The following KIDINS220 variants were observed in gnomAD, a reference collection of about 807,000 sequenced individuals.
KIDINS220 encodes the protein kinase D-interacting substrate of 220 kDa.
Under a neutral mutation model 157.6 loss-of-function variants are expected in KIDINS220, and 63 were observed. The observed-to-expected ratio is 0.40, with a 90% CI of 0.33 to 0.49. The LOEUF is 0.49. Ranked by LOEUF, KIDINS220 falls within the 20% of genes least tolerant of loss-of-function variation. KIDINS220 has a pLI of 0.66. For synonymous variants in KIDINS220, 732 were observed against 783.6 expected (o/e 0.93, Z 1.10); for missense variants, 1,772 against 2,171.2 (o/e 0.82, Z 3.65).
intron 6 of KIDINS220, among the ~76,000 whole-genome samples, chr2:8,807,815 GA>G (rs1277546482): frequency 6.6e-6 from 1 of 152,110 alleles, no homozygotes; most frequent in Non-Finnish European, 1.5e-5. Context: ...GCAGGCTTAG[GA>G]AGAACGAATA....
In KIDINS220 at chr2:8,748,925, A is replaced by G. The variant is rs148444049; in HGVS notation, c.3415-925T>C. On this transcript the variant is annotated intron_variant, in intron 24 of 29. Coordinates refer to ENST00000256707, the MANE Select transcript of KIDINS220 (RefSeq NM_020738.4). ...GGTAAGGTAATCTTTCATTTTTTAA[A>G]ATAAGCTTCTCAGTTTCAAATTTTC... is the stretch of plus-strand genomic sequence containing the variant. 1.5e-3 allele frequency among the ~76,000 whole-genome samples: 236 copies of G among 152,320 alleles called. 1 individual carries two copies. In the East Asian group the frequency reaches 0.024, roughly 16 times the overall value.
Position 8,747,897 on chromosome 2 carries a change from T to G in KIDINS220, c.3518A>C (p.Asn1173Thr). 1 of 1,597,342 alleles carries G rather than the reference T, an allele frequency of 6.3e-7. No individual in the cohort carries two copies. ...CTTTTATATACTTACTAGGCCATTG[T>G]TCTGATCTCTGGGCAAACTCGTTTT... is the stretch of plus-strand genomic sequence containing the variant. Reference protein sequence around the residue: ...SVKTSLPRDQNNGLEVIKEDA... With the variant: ...SVKTSLPRDQTNGLEVIKEDA... The change falls in exon 25 of 30, where the codon AAC becomes ACC. Residue 1173 changes from asparagine to threonine, a missense_variant. Asn to Thr is a moderately conservative substitution (Grantham distance 65). Transcript: ENST00000256707.
At chr2:8,795,121 GATC>G (rs1673725553) in intron 11 of KIDINS220, among the ~76,000 whole-genome samples, 1 of 152,084 alleles carries the variant, frequency 6.6e-6, no homozygotes, top group African/African-American at 2.4e-5. Flanking sequence ...TCTTCACACC[GATC>G]ATCTTAGTCG....
At chr2:8,758,143 G>A (rs781045253) in intron 22 of KIDINS220, among the ~76,000 whole-genome samples, 12 of 152,192 alleles carry the variant, frequency 7.9e-5, no homozygotes, top group African/African-American at 2.9e-4. Flanking sequence ...GATTACAGGC[G>A]TGAGCCACTG....
At chr2:8,778,818 A>G (rs1671314056) in intron 19 of KIDINS220, 78 bp downstream of exon 19, 2 of 1,594,900 alleles carry the variant, frequency 1.3e-6, no homozygotes, top group South Asian at 2.2e-5. Flanking sequence ...AATATTTTTC[A>G]AGGTAAAAAG....
At chr2:8,802,757 G>A in intron 8 of KIDINS220, among the ~76,000 whole-genome samples, 173 bp downstream of exon 8, 1 of 152,148 alleles carries the variant, frequency 6.6e-6, no homozygotes, top group Non-Finnish European at 1.5e-5. Context: ...AATTAAAAAG[G>A]ACATTTTTCA....
chr2:8,802,841 T>C (rs1674910764), intron 8 of KIDINS220, 89 bp downstream of exon 8: 4 of 983,160 alleles, frequency 4.1e-6, no homozygotes, highest in Non-Finnish European at 6.1e-6. Flanking sequence ...GTTTATGTCA[T>C]GCATGAGAAT....
intron 24 of KIDINS220, chr2:8,749,524 T>C (rs1181727185): frequency 2.6e-6 from 1 of 389,064 alleles, no homozygotes; most frequent in Non-Finnish European, 5.1e-6. Flanking sequence ...TTGCATTTCA[T>C]CTTTTCATCT....
rs561238215 is a variant in KIDINS220, at chr2:8,823,181, C to T, written c.108+3805G>A. 5.3e-5 allele frequency among the ~76,000 whole-genome samples: 8 copies of T among 152,154 alleles called. 1 individual carries two copies. The highest frequency in any genetic ancestry group is 1.9e-4 in the African/African-American group (8 of 41,500). Reference sequence around the variant, plus strand: ...CTCACTACAGTGCCCAGGCTGGTCTCAAACTCCTAGGCTCAAGAGATTCAG... The same window carrying T: ...CTCACTACAGTGCCCAGGCTGGTCTTAAACTCCTAGGCTCAAGAGATTCAG... On this transcript the variant is annotated intron_variant, in intron 2 of 29. Coordinates refer to ENST00000256707, the MANE Select transcript of KIDINS220 (RefSeq NM_020738.4).
chr2:8,797,348 T>G (rs1674113055), intron 10 of KIDINS220, among the ~76,000 whole-genome samples: 1 of 152,158 alleles, frequency 6.6e-6, no homozygotes, highest in South Asian at 2.1e-4. Context: ...GAGTTCATGA[T>G]TGCTTTCAAA....
chr2:8,781,867 AT>A (rs1466757662), intron 17 of KIDINS220, among the ~76,000 whole-genome samples: 5 of 152,206 alleles, frequency 3.3e-5, no homozygotes, highest in Non-Finnish European at 7.3e-5. Flanking sequence ...CATGCCTATA[AT>A]CCCAGCACTT....
At chr2:8,827,219 G>T in intron 1 of KIDINS220, 90 bp from the exon 2 acceptor site, 1 of 542,160 alleles carries the variant, frequency 1.8e-6, no homozygotes, top group Non-Finnish European at 3.2e-6. Flanking sequence ...TTAACCTCAT[G>T]CAAGGACACC....
At position 8,793,805 on chromosome 2, in the gene KIDINS220, C is replaced by T. The variant is rs1408019741; in HGVS notation, c.1276+5G>A. The T allele has an allele frequency of 1.3e-6, 2 of 1,585,242 alleles. No homozygotes were observed. The highest frequency in any genetic ancestry group is 8.6e-7 in the Non-Finnish European group (1 of 1,168,300). On this transcript the variant is annotated splice_donor_5th_base_variant and intron_variant, in intron 12 of 29. Transcript: ENST00000256707. ...GCTCAGTTAGGAGCAAAACTCAATA[C>T]TTACTGGCTCCAAATATTTGAGTTA...
intron 11 of KIDINS220, 103 bp downstream of exon 11, chr2:8,796,668 T>C (rs1408637096): frequency 1.1e-6 from 1 of 880,112 alleles, no homozygotes. Context: ...AAGTCATCTC[T>C]CCCCACACAA....
rs1663644477 is a variant in KIDINS220, at chr2:8,728,896, T to C, written c.*1824A>G. On this transcript the variant is annotated 3_prime_UTR_variant, in exon 30 of 30. Coordinates refer to ENST00000256707, the MANE Select transcript of KIDINS220 (RefSeq NM_020738.4). Reference sequence around the variant, plus strand: ...CTTTTATTTTTAATCAAAATGTGAATCATCATAGTGAATAAAAATTCATGA... The same window carrying C: ...CTTTTATTTTTAATCAAAATGTGAACCATCATAGTGAATAAAAATTCATGA... 1.2e-5 allele frequency: 12 copies of C among 983,874 alleles called. No homozygotes were observed. Among genetic ancestry groups the C allele is most frequent in the Admixed American group, 6.1e-5 (1 of 16,270 alleles). 60.9% of individuals were successfully genotyped at this position (983,874 alleles called of 1,614,324 possible).
At chr2:8,781,684 A>C (rs1204958116) in intron 17 of KIDINS220, among the ~76,000 whole-genome samples, 2 of 152,252 alleles carry the variant, frequency 1.3e-5, no homozygotes, top group African/African-American at 2.4e-5. Flanking sequence ...CAAAGAAAAA[A>C]GTCTCAAGAG....
At chr2:8,759,420 A>G (rs1558360611) in intron 22 of KIDINS220, among the ~76,000 whole-genome samples, 1 of 151,740 alleles carries the variant, frequency 6.6e-6, no homozygotes, top group South Asian at 2.1e-4. Flanking sequence ...AAGATGACCT[A>G]TTTGGCCAGA....
chr2:8,763,536 G>C (rs1011097011), intron 22 of KIDINS220, among the ~76,000 whole-genome samples: 8 of 152,162 alleles, frequency 5.3e-5, no homozygotes, highest in Non-Finnish European at 1.2e-4. Context: ...CAATGCATGG[G>C]ACAGAATGAG....
chr2:8,721,972 T>C (rs1236536283), downstream of KIDINS220: 1 of 152,176 alleles, frequency 6.6e-6, no homozygotes, highest in Non-Finnish European at 1.5e-5. Context: ...GTATCCAAAA[T>C]GAGTACAGGA....
Sources: allele counts gnomAD v4.1 joint callset (sites outside exome capture counted in the v4.1 genomes callset), GRCh38; gene constraint gnomAD v4.1.1; transcripts MANE v1.5; gene names NCBI Gene and HGNC (gene_info 2026-07-23, HGNC 2026-07-21).